The following LSM6 variants were observed in gnomAD, a reference collection of about 807,000 sequenced individuals.
LSM6 encodes U6 snRNA-associated Sm-like protein LSm6.
A neutral mutation model predicts 13.5 loss-of-function variants in LSM6; 2 were observed. The ratio of observed to expected loss-of-function variants is 0.15; its 90% CI spans 0.06 to 0.47. The LOEUF (loss-of-function observed/expected upper bound fraction) is 0.47. Ranked by LOEUF, LSM6 falls within the 20% of genes least tolerant of loss-of-function variation. LSM6 has a pLI of 0.97. For synonymous variants in LSM6, 43 were observed against 34.9 expected (o/e 1.23, Z -0.82); for missense variants, 58 against 96.4 (o/e 0.60, Z 1.67).
At position 146,187,400 on chromosome 4, in the gene LSM6, C is replaced by T. The variant is rs558311973; in HGVS notation, c.208+13C>T. On this transcript the variant is annotated intron_variant, in intron 3 of 3. Transcript: ENST00000296581. ...CGAGGAAACAATGGTAACATTTCTT[C>T]GCCCTACAGTACAGCATTCAAAATA... 4.3e-5 allele frequency: 63 copies of T among 1,469,630 alleles called. No individual in the cohort carries two copies. The East Asian group carries it at 5.7e-4, about 13-fold the overall frequency. 91.0% of individuals were successfully genotyped at this position (1,469,630 alleles called of 1,614,324 possible).
chr4:146,185,468 A>G (rs903101734), intron 2 of LSM6, among the ~76,000 whole-genome samples: 1 of 150,928 alleles, frequency 6.6e-6, no homozygotes, highest in African/African-American at 2.4e-5. Context: ...TTTGTGGTTT[A>G]CAAAACCCCA....
intron 1 of LSM6, among the ~76,000 whole-genome samples, chr4:146,180,359 G>A (rs1192496261): frequency 6.6e-6 from 1 of 152,220 alleles, no homozygotes; most frequent in Non-Finnish European, 1.5e-5. Flanking sequence ...AAAGTTGGAA[G>A]TGTTGATTGC....
intron 2 of LSM6, 35 bp downstream of exon 2, chr4:146,183,050 C>A (rs762338267): frequency 1.4e-6 from 2 of 1,398,372 alleles, no homozygotes; most frequent in Admixed American, 3.4e-5. Flanking sequence ...ACTGGTATAA[C>A]TGAATAAGTA....
rs542475289 is a variant in LSM6, at chr4:146,176,381, C to T, written c.-11+570C>T. 3 of 152,396 alleles carry T rather than the reference C, an allele frequency of 2.0e-5. No homozygotes were observed. In the East Asian group the frequency reaches 5.8e-4, roughly 29 times the overall value. The allele number at this position is 152,396 out of a possible 1,614,324, so 9.4% of individuals were successfully genotyped here. On this transcript the variant is annotated intron_variant, in intron 1 of 3. Coordinates refer to ENST00000296581, the MANE Select transcript of LSM6 (RefSeq NM_007080.3). ...GATTGTATGGTCTTAAGTCCTATCG[C>T]CCAAGGTTTTCTGTGCGTATGCGTG...
Position 146,190,483 on chromosome 4 carries a change from G to T in LSM6, c.*827G>T, listed in dbSNP as rs1730447770. On this transcript the variant is annotated 3_prime_UTR_variant, in exon 4 of 4. Coordinates refer to ENST00000296581, the MANE Select transcript of LSM6 (RefSeq NM_007080.3). ...CCTAGAGTTTGTAAACATAATTCAG[G>T]TTCTAATTGCCGAGCTGAGATTGGG... 6.6e-6 allele frequency: 1 copy of T among 152,198 alleles called. No homozygotes were observed. The highest frequency in any genetic ancestry group is 1.5e-5 in the Non-Finnish European group (1 of 68,046). The allele number at this position is 152,198 out of a possible 1,614,324, so 9.4% of individuals were successfully genotyped here. A position where few individuals can be genotyped will look rare whatever the true frequency, so the allele number is the denominator to read the frequency against.
intron 3 of LSM6, among the ~76,000 whole-genome samples, 163 bp from the exon 4 acceptor site, chr4:146,189,459 A>C (rs192395128): frequency 6.6e-6 from 1 of 151,924 alleles, no homozygotes; most frequent in Non-Finnish European, 1.5e-5. Flanking sequence ...GTAGATTCAT[A>C]AAACTAGTCT....
rs1400260405 is a variant in LSM6, at chr4:146,190,308, G to A, written c.*652G>A. 2 of 152,334 alleles carry A rather than the reference G, an allele frequency of 1.3e-5. No individual in the cohort carries two copies. Among genetic ancestry groups the A allele is most frequent in the African/African-American group, 2.4e-5 (1 of 41,440 alleles). 9.4% of individuals were successfully genotyped at this position (152,334 alleles called of 1,614,324 possible). On this transcript the variant is annotated 3_prime_UTR_variant, in exon 4 of 4. Coordinates refer to ENST00000296581, the MANE Select transcript of LSM6 (RefSeq NM_007080.3). ...GTGAGGAGAAAGCCCTCCTGTCAGT[G>A]GTCCCCCTGCATCTCCTTATGCAAT...
At chr4:146,187,446 A>G in intron 3 of LSM6, 59 bp downstream of exon 3, 1 of 1,037,860 alleles carries the variant, frequency 9.6e-7, no homozygotes, top group Non-Finnish European at 1.5e-6. Flanking sequence ...TTTATAATCC[A>G]GATCACCAAA....
At chr4:146,181,567 A>G (rs1730232468) in intron 1 of LSM6, among the ~76,000 whole-genome samples, 1 of 152,216 alleles carries the variant, frequency 6.6e-6, no homozygotes, top group Non-Finnish European at 1.5e-5. Context: ...TATTGAGTGG[A>G]TGGACTTAGA....
chr4:146,177,939 A>G (rs1042421066), intron 1 of LSM6, among the ~76,000 whole-genome samples: 2 of 152,232 alleles, frequency 1.3e-5, no homozygotes, highest in African/African-American at 4.8e-5. Flanking sequence ...AAAATGTAAA[A>G]TACAGTGCCT....
At chr4:146,185,362 T>G (rs2110887677) in intron 2 of LSM6, among the ~76,000 whole-genome samples, 1 of 152,292 alleles carries the variant, frequency 6.6e-6, no homozygotes, top group East Asian at 1.9e-4. Flanking sequence ...ACATGGATAG[T>G]AACCATAATT....
intron 1 of LSM6, among the ~76,000 whole-genome samples, chr4:146,177,353 C>T (rs1730134413): frequency 1.3e-5 from 2 of 152,088 alleles, no homozygotes; most frequent in African/African-American, 4.8e-5. Flanking sequence ...TAAAAGTGTA[C>T]TAACAGATTT....
chr4:146,177,128 TA>T (rs1330163553), intron 1 of LSM6, among the ~76,000 whole-genome samples: 1 of 152,068 alleles, frequency 6.6e-6, no homozygotes, highest in African/African-American at 2.4e-5. Context: ...AACTCCCTTA[TA>T]TTGCAGATGA....
chr4:146,186,110 C>G (rs1261978901), intron 2 of LSM6, among the ~76,000 whole-genome samples: 3 of 152,174 alleles, frequency 2.0e-5, no homozygotes, highest in Non-Finnish European at 4.4e-5. Context: ...ATTTTTCTTG[C>G]TCATTTATAA....
At chr4:146,175,900 G>A (rs1345947127) in intron 1 of LSM6, 89 bp downstream of exon 1, 1 of 152,364 alleles carries the variant, frequency 6.6e-6, no homozygotes, top group African/African-American at 2.4e-5. Flanking sequence ...GTGGAGCGGC[G>A]GCTGCAGCGG....
At chr4:146,183,941 C>T (rs1730290553) in intron 2 of LSM6, among the ~76,000 whole-genome samples, 1 of 147,896 alleles carries the variant, frequency 6.8e-6, no homozygotes, top group African/African-American at 2.5e-5. Flanking sequence ...GGCGCGATCT[C>T]GGCTCACTGC....
At chr4:146,176,272 T>C (rs6820462) in intron 1 of LSM6, 44,592 of 152,234 alleles carry the variant, frequency 0.29, 6,906 homozygotes, top group Middle Eastern at 0.37. Flanking sequence ...GCGAACCCTC[T>C]CCTACATCGG....
At chr4:146,183,144 A>C (rs1336468979) in intron 2 of LSM6, 129 bp downstream of exon 2, 3 of 607,428 alleles carry the variant, frequency 4.9e-6, no homozygotes, top group Non-Finnish European at 9.0e-6. Context: ...TTTTATGCAT[A>C]TATCTTTTTC....
chr4:146,179,326 A>G (rs1730181023), intron 1 of LSM6, among the ~76,000 whole-genome samples: 1 of 152,216 alleles, frequency 6.6e-6, no homozygotes, highest in Admixed American at 6.5e-5. Context: ...CTTCTGCTTT[A>G]TCCAATTTAA....
Sources: gnomAD v4.1 joint callset for allele counts (sites outside exome capture counted in the v4.1 genomes callset) on GRCh38, gnomAD v4.1.1 for gene constraint, MANE v1.5 for transcripts, NCBI Gene and HGNC (gene_info 2026-07-23, HGNC 2026-07-21) for gene names.